The following SYNPR variants were observed in gnomAD, a reference collection of about 807,000 sequenced individuals.
The protein encoded by SYNPR is synaptoporin.
SYNPR carries 23 observed loss-of-function variants against 32.9 expected under a neutral mutation model. The observed-to-expected ratio is 0.70, with a 90% CI of 0.50 to 0.99. SYNPR has a LOEUF of 0.99. SYNPR is among the 50% of genes least tolerant of loss of function. SYNPR has a pLI of 0.00. For missense variants in SYNPR, 318 were observed against 349.3 expected, an observed-to-expected ratio of 0.91 and a Z score of 0.71; for synonymous variants, 146 against 135.9, an observed-to-expected ratio of 1.07 and a Z score of -0.52.
At chr3:63,345,359 C>T (rs2107008754) in intron 2 of SYNPR, among the ~76,000 whole-genome samples, 1 of 152,340 alleles carries the variant, frequency 6.6e-6, no homozygotes, top group East Asian at 1.9e-4. Context: ...AGGTTAGAAG[C>T]AATATGGAGT....
At chr3:63,604,201 G>T in intron 4 of SYNPR, among the ~76,000 whole-genome samples, 1 of 151,996 alleles carries the variant, frequency 6.6e-6, no homozygotes, top group Non-Finnish European at 1.5e-5. Flanking sequence ...TATCCCCTTT[G>T]TCATTTCTGA....
intron 2 of SYNPR, among the ~76,000 whole-genome samples, chr3:63,428,715 CG>C (rs1699933569): frequency 6.6e-6 from 1 of 152,202 alleles, no homozygotes; most frequent in Non-Finnish European, 1.5e-5. Context: ...GCTGGAACAA[CG>C]GGATAATAGA....
At chr3:63,230,516 T>C (rs1439041761) in intron 1 of SYNPR, among the ~76,000 whole-genome samples, 1 of 152,190 alleles carries the variant, frequency 6.6e-6, no homozygotes, top group Non-Finnish European at 1.5e-5. Context: ...TATGTGACTA[T>C]CCAAGACTAA....
chr3:63,445,716 T>C, intron 2 of SYNPR: 1 of 515,884 alleles, frequency 1.9e-6, no homozygotes, highest in African/African-American at 1.9e-5. Context: ...AGGACAAGTA[T>C]GTAACTTACT....
In SYNPR at chr3:63,287,822, G is replaced by T. The variant is rs973613146; in HGVS notation, c.84+9080G>T. On this transcript the variant is annotated intron_variant, in intron 2 of 5. Coordinates refer to ENST00000478300, the MANE Select transcript of SYNPR (RefSeq NM_001130003.2). The stretch of plus-strand genomic sequence containing the variant: ...TTATGGAGGAGAGTAAGTCACATAG[G>T]CACCGCTGTCAAGGAAACAGGGCTA... Among the ~76,000 whole-genome samples the T allele has an allele frequency of 2.0e-5, 3 of 152,116 alleles. No homozygotes were observed. The South Asian group carries it at 6.2e-4, about 32-fold the overall frequency.
In SYNPR at chr3:63,514,404, C is replaced by CATTGAA. The variant is rs565130673; in HGVS notation, c.209+33451_209+33456dup. On this transcript the variant is annotated intron_variant, in intron 3 of 5. Transcript: ENST00000478300. ...GAACATCATGGAAAATGGAACAACT[C>CATTGAA]ATTGAAATCTCTGCCTGTTGTCCCT... Among the ~76,000 whole-genome samples the CATTGAA allele has an allele frequency of 3.2e-3, 487 of 152,320 alleles. 2 individuals are homozygous for CATTGAA. Among genetic ancestry groups the CATTGAA allele is most frequent in the African/African-American group, 0.011 (462 of 41,584 alleles).
intron 3 of SYNPR, among the ~76,000 whole-genome samples, chr3:63,549,273 C>T (rs992766887): frequency 6.6e-6 from 1 of 152,164 alleles, no homozygotes; most frequent in Non-Finnish European, 1.5e-5. Flanking sequence ...GAATCCTATT[C>T]AGTACAGACT....
At chr3:63,404,548 G>A (rs1165322930) in intron 2 of SYNPR, among the ~76,000 whole-genome samples, 1 of 151,832 alleles carries the variant, frequency 6.6e-6, no homozygotes, top group Non-Finnish European at 1.5e-5. Flanking sequence ...CTTAGAACTG[G>A]GTCAGACTGC....
At chr3:63,327,468 A>G (rs2037570) in intron 2 of SYNPR, among the ~76,000 whole-genome samples, 68,675 of 151,952 alleles carry the variant, frequency 0.45, 15,669 homozygotes, top group Middle Eastern at 0.52. Context: ...TTATGTCCAA[A>G]CAATTCCATT....
chr3:63,445,732 A>G (rs1700265696), intron 2 of SYNPR, among the ~76,000 whole-genome samples: 1 of 152,168 alleles, frequency 6.6e-6, no homozygotes, highest in African/African-American at 2.4e-5. Context: ...TTACTTGAGG[A>G]AACACAGTGA....
chr3:63,595,728 T>C (rs1256722158), intron 4 of SYNPR, among the ~76,000 whole-genome samples: 2 of 20,346 alleles, frequency 9.8e-5, no homozygotes, highest in African/African-American at 7.8e-4. Flanking sequence ...TATATATATA[T>C]ATATATATAT....
chr3:63,348,815 CTT>C (rs1369362565), intron 2 of SYNPR, among the ~76,000 whole-genome samples: 1 of 152,092 alleles, frequency 6.6e-6, no homozygotes, highest in African/African-American at 2.4e-5. Context: ...TTTTTTGTGA[CTT>C]TGTCAAAAAT....
intron 2 of SYNPR, among the ~76,000 whole-genome samples, chr3:63,431,558 A>G (rs1165555295): frequency 6.6e-6 from 1 of 152,190 alleles, no homozygotes; most frequent in Non-Finnish European, 1.5e-5. Context: ...GTGGTAATTT[A>G]TCTGGTTTTT....
intron 2 of SYNPR, among the ~76,000 whole-genome samples, chr3:63,260,124 T>C (rs142226772): frequency 0.063 from 9,516 of 152,152 alleles, 382 homozygotes; most frequent in Middle Eastern, 0.092. Context: ...AGAATCAACA[T>C]TGTGAAAATG....
Position 63,609,396 on chromosome 3 carries a change from A to G in SYNPR, c.600+80A>G, listed in dbSNP as rs1259378990. 4.6e-6 allele frequency: 6 copies of G among 1,308,760 alleles called. No homozygotes were observed. In the Admixed American group the frequency reaches 2.1e-4, roughly 45 times the overall value. The allele number at this position is 1,308,760 out of a possible 1,614,324, so 81.1% of individuals were successfully genotyped here. On this transcript the variant is annotated intron_variant, in intron 5 of 5. Transcript: ENST00000478300. ...TAATAAGAAAAACATCTCAGAAGTCATCTTGAAAATTGTTGCCTACAAAAC... is the reference window on the plus strand; with the variant it reads ...TAATAAGAAAAACATCTCAGAAGTCGTCTTGAAAATTGTTGCCTACAAAAC...
chr3:63,517,747 C>G (rs1701827278), intron 3 of SYNPR, among the ~76,000 whole-genome samples: 1 of 152,146 alleles, frequency 6.6e-6, no homozygotes, highest in Non-Finnish European at 1.5e-5. Flanking sequence ...TTATAGGTCA[C>G]ACTTCGTTTA....
chr3:63,611,308 C>A (rs1296005378), intron 5 of SYNPR, among the ~76,000 whole-genome samples: 1 of 152,196 alleles, frequency 6.6e-6, no homozygotes, highest in Non-Finnish European at 1.5e-5. Context: ...TTTTACCTAA[C>A]CTTGCATTGC....
At chr3:63,324,849 C>A (rs760932110) in intron 2 of SYNPR, among the ~76,000 whole-genome samples, 1 of 151,940 alleles carries the variant, frequency 6.6e-6, no homozygotes, top group African/African-American at 2.4e-5. Flanking sequence ...CAGATGGTGA[C>A]GGGTAACTGA....
chr3:63,600,520 CCCCACCCAA>C (rs1700024758), intron 4 of SYNPR, among the ~76,000 whole-genome samples: 1 of 151,586 alleles, frequency 6.6e-6, no homozygotes, highest in Admixed American at 6.6e-5. Flanking sequence ...TTGGCTGTGT[CCCCACCCAA>C]AATCTCATCT....
Sources: allele counts gnomAD v4.1 joint callset (sites outside exome capture counted in the v4.1 genomes callset), GRCh38; gene constraint gnomAD v4.1.1; transcripts MANE v1.5; gene names NCBI Gene and HGNC (gene_info 2026-07-23, HGNC 2026-07-21).